The following WASL variants were observed in gnomAD, a reference collection of about 807,000 sequenced individuals.
The protein encoded by WASL is WASP like actin nucleation promoting factor.
A neutral mutation model predicts 55.5 loss-of-function variants in WASL; 20 were observed. That is an observed-to-expected ratio of 0.36 (90% CI 0.25 to 0.52). The LOEUF (loss-of-function observed/expected upper bound fraction) is 0.52. WASL is among the 20% of genes least tolerant of loss of function. The pLI, the probability that WASL is intolerant of heterozygous loss-of-function variation, is 0.92. For missense variants in WASL, 504 were observed against 622.5 expected (o/e 0.81, Z 2.03); for synonymous variants, 249 against 217.6 (o/e 1.14, Z -1.27).
intron 1 of WASL, among the ~76,000 whole-genome samples, chr7:123,711,544 C>T (rs902488244): frequency 2.0e-5 from 3 of 152,190 alleles, no homozygotes; most frequent in African/African-American, 7.2e-5. Context: ...CTGAAAATGA[C>T]ATACCACAGC....
chr7:123,727,210 G>A (rs1005498567), intron 1 of WASL, among the ~76,000 whole-genome samples: 3 of 152,182 alleles, frequency 2.0e-5, no homozygotes, highest in African/African-American at 7.2e-5. Flanking sequence ...GCAATGGGAA[G>A]TCTCATACAT....
Position 123,683,660 on chromosome 7 carries a change from A to T in WASL, c.*859T>A, listed in dbSNP as rs1269493446. 3.3e-5 allele frequency: 5 copies of T among 152,042 alleles called. No homozygotes were observed. The highest frequency in any genetic ancestry group is 3.3e-4 in the Admixed American group (5 of 15,228). The allele number at this position is 152,042 out of a possible 1,614,324, so 9.4% of individuals were successfully genotyped here. ...TATTCTGATTTGTATAGTTTTTTTA[A>T]CCAAATATTGGAGTTACCATAATAT... On this transcript the variant is annotated 3_prime_UTR_variant, in exon 11 of 11. Transcript: ENST00000223023.
At chr7:123,689,215 A>T in intron 9 of WASL, 65 bp from the exon 10 acceptor site, 2 of 1,357,228 alleles carry the variant, frequency 1.5e-6, no homozygotes, top group Non-Finnish European at 2.1e-6. Flanking sequence ...GTCTCCAGAA[A>T]GTCCTACTTT....
In WASL at chr7:123,747,084, T is replaced by C. The variant is rs779904977; in HGVS notation, c.117+1534A>G. ...GAAAAAGGCAAAGTGGTTATTTCTTTAACACCACTTTTAGAAATAAATCAG... is the reference window on the plus strand; with the variant it reads ...GAAAAAGGCAAAGTGGTTATTTCTTCAACACCACTTTTAGAAATAAATCAG... On this transcript the variant is annotated intron_variant, in intron 1 of 10. Coordinates refer to ENST00000223023, the MANE Select transcript of WASL (RefSeq NM_003941.4). Among the ~76,000 whole-genome samples the C allele has an allele frequency of 4.4e-4, 67 of 152,176 alleles. 1 individual carries two copies. The highest frequency in any genetic ancestry group is 9.0e-4 in the Non-Finnish European group (61 of 68,032).
intron 5 of WASL, among the ~76,000 whole-genome samples, chr7:123,701,040 T>A (rs1803581240): frequency 6.6e-6 from 1 of 152,212 alleles, no homozygotes; most frequent in Non-Finnish European, 1.5e-5. Context: ...CCAAATTAAG[T>A]ATCTGTTTCA....
At chr7:123,745,226 A>C (rs1804411821) in intron 1 of WASL, among the ~76,000 whole-genome samples, 1 of 152,098 alleles carries the variant, frequency 6.6e-6, no homozygotes, top group Non-Finnish European at 1.5e-5. Flanking sequence ...TACTCTCTTA[A>C]TTCAGGCCCT....
chr7:123,687,598 C>T (rs1279785664), intron 10 of WASL, among the ~76,000 whole-genome samples: 2 of 152,064 alleles, frequency 1.3e-5, no homozygotes, highest in Non-Finnish European at 2.9e-5. Context: ...CAAAATGAAC[C>T]TCTCTCTCAA....
At chr7:123,718,448 T>C (rs1803881768) in intron 1 of WASL, among the ~76,000 whole-genome samples, 1 of 152,150 alleles carries the variant, frequency 6.6e-6, no homozygotes, top group Non-Finnish European at 1.5e-5. Context: ...TTAAGAAAAC[T>C]AAAGCCAAGC....
chr7:123,734,279 A>C (rs1804189366), intron 1 of WASL, among the ~76,000 whole-genome samples: 1 of 152,174 alleles, frequency 6.6e-6, no homozygotes, highest in Non-Finnish European at 1.5e-5. Context: ...GGAACTCTTA[A>C]AGCTCATCAA....
intron 1 of WASL, among the ~76,000 whole-genome samples, chr7:123,724,858 C>A (rs958085206): frequency 1.3e-5 from 2 of 152,118 alleles, no homozygotes; most frequent in Admixed American, 6.6e-5. Context: ...ATGCATCCCC[C>A]TTCATACTGT....
Position 123,682,334 on chromosome 7 carries a change from G to C in WASL, c.*2185C>G, listed in dbSNP as rs1432290863. 6.6e-6 allele frequency: 1 copy of C among 152,116 alleles called. No individual in the cohort carries two copies. Among genetic ancestry groups the C allele is most frequent in the East Asian group, 1.9e-4 (1 of 5,192 alleles). The allele number at this position is 152,116 out of a possible 1,614,324, so 9.4% of individuals were successfully genotyped here. Reference sequence around the variant, plus strand: ...CAGATTTAGTCTTCATGCCTGGACTGAACTCCACAGCTGCTGTGTTTCAAC... The same window carrying C: ...CAGATTTAGTCTTCATGCCTGGACTCAACTCCACAGCTGCTGTGTTTCAAC... On this transcript the variant is annotated 3_prime_UTR_variant, in exon 11 of 11. Transcript: ENST00000223023.
intron 10 of WASL, among the ~76,000 whole-genome samples, chr7:123,687,951 A>T (rs1303092623): frequency 1.3e-5 from 2 of 152,218 alleles, no homozygotes; most frequent in Non-Finnish European, 2.9e-5. Context: ...GGCAATCTGC[A>T]GGTTAGTGAC....
chr7:123,715,117 T>C (rs913272914), intron 1 of WASL, among the ~76,000 whole-genome samples: 4 of 152,170 alleles, frequency 2.6e-5, no homozygotes, highest in Non-Finnish European at 5.9e-5. Flanking sequence ...GACTGGAGAT[T>C]TGGTACAGTA....
At chr7:123,718,604 A>G (rs1278029208) in intron 1 of WASL, among the ~76,000 whole-genome samples, 1 of 152,190 alleles carries the variant, frequency 6.6e-6, no homozygotes, top group Non-Finnish European at 1.5e-5. Flanking sequence ...TATGTGGTCT[A>G]GGCTGGTCTC....
intron 1 of WASL, among the ~76,000 whole-genome samples, chr7:123,729,063 G>A (rs1309135051): frequency 2.0e-5 from 3 of 151,974 alleles, no homozygotes; most frequent in African/African-American, 4.8e-5. Flanking sequence ...TTGCACTGTC[G>A]TCATTATTAC....
At chr7:123,716,544 G>A (rs1329129424) in intron 1 of WASL, among the ~76,000 whole-genome samples, 1 of 151,802 alleles carries the variant, frequency 6.6e-6, no homozygotes, top group African/African-American at 2.4e-5. Flanking sequence ...CACTGTGCCC[G>A]GCCCAAAGTT....
intron 1 of WASL, among the ~76,000 whole-genome samples, chr7:123,717,579 C>T (rs2116799990): frequency 6.6e-6 from 1 of 152,286 alleles, no homozygotes; most frequent in South Asian, 2.1e-4. Context: ...TACTATGATC[C>T]AACTACATGG....
chr7:123,724,354 CAT>C (rs2116808031), intron 1 of WASL, among the ~76,000 whole-genome samples: 1 of 152,290 alleles, frequency 6.6e-6, no homozygotes, highest in African/African-American at 2.4e-5. Context: ...TCTGCTGAAA[CAT>C]AATGTTGAAA....
intron 4 of WASL, among the ~76,000 whole-genome samples, chr7:123,705,886 T>A (rs190030517): frequency 1.3e-5 from 2 of 152,298 alleles, no homozygotes; most frequent in Admixed American, 1.3e-4. Flanking sequence ...AAAATACTTT[T>A]AAAACTTTAC....
Sources: gnomAD v4.1 joint callset for allele counts (sites outside exome capture counted in the v4.1 genomes callset) on GRCh38, gnomAD v4.1.1 for gene constraint, MANE v1.5 for transcripts, NCBI Gene and HGNC (gene_info 2026-07-23, HGNC 2026-07-21) for gene names.